HEATR4: variants seen among roughly 807,000 people sequenced by gnomAD.
HEATR4 encodes the protein HEAT repeat-containing protein 4.
A neutral mutation model predicts 108.8 loss-of-function variants in HEATR4; 95 were observed. The ratio of observed to expected loss-of-function variants is 0.87; its 90% CI spans 0.74 to 1.04. The LOEUF is 1.04. Ranked by LOEUF, HEATR4 falls within the 50% of genes least tolerant of loss-of-function variation. HEATR4 has a pLI of 0.00. For synonymous variants in HEATR4, 443 were observed against 459.4 expected, an observed-to-expected ratio of 0.96 and a Z score of 0.46; for missense variants, 1,152 against 1,253.8, an observed-to-expected ratio of 0.92 and a Z score of 1.23.
the HEATR4 span, among the ~76,000 whole-genome samples, chr14:73,588,643 A>C: frequency 4.2e-4 from 64 of 152,266 alleles, no homozygotes; most frequent in African/African-American, 1.4e-3. Context: ...TGAGGCCCCA[A>C]TTACACTGAC....
chr14:73,555,977 C>A (rs1159089752), intron 1 of HEATR4, among the ~76,000 whole-genome samples: 1 of 112,178 alleles, frequency 8.9e-6, no homozygotes, highest in African/African-American at 2.9e-5. Context: ...CGCACTCCAG[C>A]CTGGATAACA....
chr14:73,507,948 GT>G (rs1232662639), intron 9 of HEATR4, among the ~76,000 whole-genome samples, 185 bp downstream of exon 9: 11 of 152,270 alleles, frequency 7.2e-5, no homozygotes, highest in Non-Finnish European at 1.5e-4. Flanking sequence ...TTTCACCCAT[GT>G]TGGCCAGTCT....
At chr14:73,612,711 G>A in the HEATR4 span, 2 of 1,383,986 alleles carry the variant, frequency 1.4e-6, no homozygotes, top group Admixed American at 3.4e-5. Flanking sequence ...GCGCTCTTCC[G>A]GGCCCACGCG....
rs770901601 is a variant in HEATR4 at position 73,522,294 on chromosome 14, G to C, written c.859C>G (p.Leu287Val). ...TACCTGTAGTAAACGGGAAGCAGCA[G>C]TTCTGGCTTCTTCTTTTCCTGTGGG... The part of the protein sequence containing the change: ...LPPQEKKKPE[L>V]LLPVYYRLPS... The change falls in exon 3 of 18, where the codon CTG becomes GTG. Residue 287 changes from leucine to valine, a missense_variant. Leu to Val is a conservative substitution (Grantham distance 32). Coordinates refer to ENST00000553558, the MANE Select transcript of HEATR4 (RefSeq NM_001220484.1). The C allele has an allele frequency of 1.9e-6, 3 of 1,614,080 alleles. No homozygotes were observed. Among genetic ancestry groups the C allele is most frequent in the Non-Finnish European group, 2.5e-6 (3 of 1,179,996 alleles).
intron 2 of HEATR4, among the ~76,000 whole-genome samples, chr14:73,524,310 A>AAAATATATATATATAT: frequency 7.3e-5 from 4 of 54,780 alleles, no homozygotes; most frequent in South Asian, 1.6e-3. Context: ...AAAAAAAAAA[A>AAAATATATATATATAT]ATATATATAT....
the HEATR4 span, among the ~76,000 whole-genome samples, chr14:73,576,897 G>A: frequency 2.1e-5 from 3 of 140,810 alleles, no homozygotes; most frequent in African/African-American, 7.9e-5. Context: ...TGTATTTAAA[G>A]GAAAAAAAAC....
At chr14:73,575,918 G>A in the HEATR4 span, among the ~76,000 whole-genome samples, 5 of 151,822 alleles carry the variant, frequency 3.3e-5, no homozygotes, top group East Asian at 1.9e-4. Flanking sequence ...TTGGGAGGCT[G>A]AGGTGGGCGG....
chr14:73,605,999 G>A, the HEATR4 span, among the ~76,000 whole-genome samples: 1 of 152,034 alleles, frequency 6.6e-6, no homozygotes, highest in Non-Finnish European at 1.5e-5. Context: ...CGGATCTTGT[G>A]GCCCCCACCT....
In HEATR4 at chr14:73,512,896, A is replaced by G. The variant is rs147718212; in HGVS notation, c.1415-747T>C. Reference sequence around the variant, plus strand: ...TTTCCTGCACTAACTAAGCTTGTCTATCATGTTCTGAAAGCCAGCAGCTAT... The same window carrying G: ...TTTCCTGCACTAACTAAGCTTGTCTGTCATGTTCTGAAAGCCAGCAGCTAT... On this transcript the variant is annotated intron_variant, in intron 6 of 17. Coordinates refer to ENST00000553558, the MANE Select transcript of HEATR4 (RefSeq NM_001220484.1). 3.3e-5 allele frequency among the ~76,000 whole-genome samples: 5 copies of G among 152,286 alleles called. No homozygotes were observed. In the East Asian group the frequency reaches 7.7e-4, roughly 23 times the overall value.
chr14:73,496,522 A>G, intron 15 of HEATR4, 79 bp downstream of exon 15: 1 of 837,456 alleles, frequency 1.2e-6, no homozygotes, highest in Non-Finnish European at 2.1e-6. Context: ...GGGTATGTAC[A>G]TGTTTGAGGA....
chr14:73,492,799 C>T lies in HEATR4; in HGVS notation c.2844+267G>A. The stretch of plus-strand genomic sequence containing the variant: ...AAATATACCCCCAGCAAGCTGATGC[C>T]ATGGAACTGTTGCTTGGTTCTTATC... On this transcript the variant is annotated intron_variant, in intron 17 of 17. Transcript: ENST00000553558. The surrounding 1 kb of genome is among the most constrained non-coding windows in gnomAD (Gnocchi z 4.9). 1 of 1,613,966 alleles carries T rather than the reference C, an allele frequency of 6.2e-7. No homozygotes were observed. The highest frequency in any genetic ancestry group is 8.5e-7 in the Non-Finnish European group (1 of 1,179,896).
intron 17 of HEATR4, among the ~76,000 whole-genome samples, chr14:73,483,008 T>C (rs952280562): frequency 2.0e-5 from 3 of 151,982 alleles, no homozygotes; most frequent in African/African-American, 7.3e-5. Flanking sequence ...ATTTAGGAAG[T>C]AAGGGGATCT....
chr14:73,513,483 G>A (rs1309361677), intron 6 of HEATR4, among the ~76,000 whole-genome samples: 15 of 147,120 alleles, frequency 1.0e-4, no homozygotes, highest in African/African-American at 3.8e-4. Flanking sequence ...AAGGGCTGGC[G>A]CGGTGGCCAA....
chr14:73,535,495 T>C lies in HEATR4; in HGVS notation c.-151-5251A>G, dbSNP rs1378902268. ...TTTTTTTTTTTTTTTTTTTTTTTTT[T>C]TTTTTTTTTTTTGCCCAGGCTGGAG... On this transcript the variant is annotated intron_variant, in intron 1 of 17. Transcript: ENST00000553558. Among the ~76,000 whole-genome samples, 22 of 47,434 alleles carry C rather than the reference T, an allele frequency of 4.6e-4. 6 individuals are homozygous for C. The highest frequency in any genetic ancestry group is 7.5e-4 in the South Asian group (1 of 1,338). The allele number at this position is 47,434 out of a possible 152,430, so 31.1% of individuals were successfully genotyped here.
chr14:73,613,038 C>T, the HEATR4 span: 1 of 785,142 alleles, frequency 1.3e-6, no homozygotes, highest in African/African-American at 1.8e-5. Flanking sequence ...GATGAGTAGT[C>T]TGCCCAGAAT....
At chr14:73,535,462 CTTCTTTCTTTTTTTTTTTT>C (rs1343785038) in intron 1 of HEATR4, among the ~76,000 whole-genome samples, 1 of 59,332 alleles carries the variant, frequency 1.7e-5, no homozygotes, top group African/African-American at 4.3e-5. Context: ...TTTTCTTTTT[CTTCTTTCTTTTTTTTTTTT>C]TTTTTTTTTT....
intron 10 of HEATR4, among the ~76,000 whole-genome samples, chr14:73,503,899 T>A (rs1886643944): frequency 6.6e-6 from 1 of 152,148 alleles, no homozygotes; most frequent in Admixed American, 6.6e-5. Context: ...TGCCATGAAG[T>A]CCTCATCATC....
At chr14:73,494,004 C>G (rs920186061) in intron 16 of HEATR4, among the ~76,000 whole-genome samples, 1 of 152,204 alleles carries the variant, frequency 6.6e-6, no homozygotes, top group African/African-American at 2.4e-5. Flanking sequence ...TCACTGTTTG[C>G]TTACATCCAT....
chr14:73,583,648 A>G, the HEATR4 span, among the ~76,000 whole-genome samples: 2 of 152,006 alleles, frequency 1.3e-5, no homozygotes, highest in African/African-American at 4.8e-5. Flanking sequence ...TTAACATTAA[A>G]GTGTTAATTG....
Sources: gnomAD v4.1 joint callset for allele counts (sites outside exome capture counted in the v4.1 genomes callset) on GRCh38, gnomAD v4.1.1 for gene constraint, Gnocchi (gnomAD v3.1) non-coding constraint, MANE v1.5 for transcripts, NCBI Gene and HGNC (gene_info 2026-07-23, HGNC 2026-07-21) for gene names.